The following FBN1 variants were observed in gnomAD, a reference collection of about 807,000 sequenced individuals.
FBN1 encodes fibrillin 1.
Under a neutral mutation model 365.1 loss-of-function variants are expected in FBN1, and 29 were observed. The observed-to-expected ratio is 0.08, with a 90% confidence interval of 0.06 to 0.11. FBN1 has a LOEUF of 0.11. Among genes scored for constraint, FBN1 ranks in the 10% least tolerant of loss-of-function variants. The pLI is 1.00. For missense variants in FBN1, 2,476 were observed against 3,703.2 expected (o/e 0.67, Z 8.60); for synonymous variants, 1,210 against 1,270.5 (o/e 0.95, Z 1.01).
intron 23 of FBN1, 76 bp from the exon 24 acceptor site, chr15:48,492,662 A>C: frequency 8.4e-7 from 1 of 1,183,766 alleles, no homozygotes; most frequent in Admixed American, 2.0e-5. Context: ...ATAGAGTCAT[A>C]ATTATTCCCC....
chr15:48,421,903 T>C (rs781324648), intron 61 of FBN1, 49 bp downstream of exon 61: 1 of 1,439,678 alleles, frequency 6.9e-7, no homozygotes, highest in Non-Finnish European at 9.8e-7. Flanking sequence ...AAATAATCCC[T>C]TAAAAGAATC....
intron 64 of FBN1, 23 bp downstream of exon 64, chr15:48,415,513 T>G (rs879619930): frequency 3.2e-6 from 5 of 1,541,212 alleles, no homozygotes; most frequent in Non-Finnish European, 4.5e-6. Context: ...TCTCCAACCA[T>G]GACCAGGAAG....
chr15:48,489,403 C>CATGT, intron 25 of FBN1, among the ~76,000 whole-genome samples: 1 of 152,026 alleles, frequency 6.6e-6, no homozygotes, highest in East Asian at 1.9e-4. Context: ...AAACTGCATA[C>CATGT]ATGTAACATG....
intron 2 of FBN1, among the ~76,000 whole-genome samples, chr15:48,613,937 A>G (rs1335171085): frequency 1.1e-4 from 17 of 152,298 alleles, no homozygotes; most frequent in African/African-American, 3.4e-4. Context: ...CCAAAAACAA[A>G]AAGTTTGGAA....
At chr15:48,445,941 T>C (rs773211324) in intron 47 of FBN1, among the ~76,000 whole-genome samples, 60 of 152,286 alleles carry the variant, frequency 3.9e-4, no homozygotes, top group African/African-American at 1.4e-3. Context: ...TTGCCTAGTA[T>C]GTTTTAGAAG....
rs363846 is a variant in FBN1 at position 48,412,766 on chromosome 15, A to G, written c.8052-23T>C. The G allele has an allele frequency of 1.0e-3, 1,611 of 1,613,734 alleles. 1 individual carries two copies. Among genetic ancestry groups the G allele is most frequent in the Non-Finnish European group, 1.3e-3 (1,498 of 1,179,926 alleles). On this transcript the variant is annotated intron_variant, in intron 64 of 65. Transcript: ENST00000316623. ...TGCCTGCAGCAGAAGGGGAGCATAG[A>G]TGTTTTTCATTAGAATGGGAAGACA...
intron 6 of FBN1, among the ~76,000 whole-genome samples, chr15:48,565,750 C>T (rs1352102839): frequency 3.3e-5 from 5 of 151,840 alleles, no homozygotes; most frequent in African/African-American, 9.7e-5. Context: ...GTGTATAAAA[C>T]GAAAAAGCTG....
chr15:48,592,389 G>T (rs1485556131), intron 6 of FBN1, among the ~76,000 whole-genome samples: 3 of 152,166 alleles, frequency 2.0e-5, no homozygotes, highest in Non-Finnish European at 4.4e-5. Context: ...GATTTTAAAT[G>T]TGCATTCTGA....
chr15:48,519,004 C>T (rs555989204), intron 10 of FBN1, among the ~76,000 whole-genome samples: 18 of 152,334 alleles, frequency 1.2e-4, no homozygotes, highest in African/African-American at 4.3e-4. Context: ...CAAAGTAGGT[C>T]TTCCTGCAGG....
chr15:48,623,366 G>C (rs1373471567), intron 2 of FBN1, among the ~76,000 whole-genome samples: 1 of 152,192 alleles, frequency 6.6e-6, no homozygotes, highest in Non-Finnish European at 1.5e-5. Context: ...TGGTGGTTTT[G>C]TGCCTTGATT....
chr15:48,470,249 T>G (rs550634769), intron 36 of FBN1, among the ~76,000 whole-genome samples: 20 of 151,882 alleles, frequency 1.3e-4, no homozygotes, highest in African/African-American at 4.8e-4. Flanking sequence ...AGGAGTGGGG[T>G]GGGTATTGCA....
At chr15:48,444,153 T>A (rs2043136689) in intron 49 of FBN1, among the ~76,000 whole-genome samples, 1 of 152,170 alleles carries the variant, frequency 6.6e-6, no homozygotes, top group African/African-American at 2.4e-5. Flanking sequence ...ATAACCACAT[T>A]CATCCAACCT....
At chr15:48,531,712 G>A (rs973441514) in intron 8 of FBN1, among the ~76,000 whole-genome samples, 4 of 152,084 alleles carry the variant, frequency 2.6e-5, no homozygotes, top group African/African-American at 9.7e-5. Context: ...CAAGGACGTC[G>A]AAAAAGTGAA....
At chr15:48,445,338 A>C in intron 48 of FBN1, 38 bp downstream of exon 48, 2 of 1,610,020 alleles carry the variant, frequency 1.2e-6, no homozygotes, top group Non-Finnish European at 1.7e-6. Context: ...TGGTCTCTGG[A>C]AGCATTCTTT....
At chr15:48,492,256 G>A (rs946040359) in intron 24 of FBN1, among the ~76,000 whole-genome samples, 15 of 152,162 alleles carry the variant, frequency 9.9e-5, no homozygotes, top group Non-Finnish European at 2.2e-4. Flanking sequence ...GTGATTTAAG[G>A]AATAGTTGCA....
At chr15:48,419,151 G>C (rs532200011) in intron 63 of FBN1, among the ~76,000 whole-genome samples, 26 of 152,268 alleles carry the variant, frequency 1.7e-4, no homozygotes, top group Admixed American at 1.1e-3. Context: ...AGATTGATGA[G>C]AGCAATTTGG....
intron 2 of FBN1, among the ~76,000 whole-genome samples, chr15:48,616,194 T>C (rs1889649153): frequency 6.6e-6 from 1 of 152,234 alleles, no homozygotes; most frequent in Non-Finnish European, 1.5e-5. Context: ...TTATTTTATT[T>C]GCATCCTCTG....
At chr15:48,497,209 T>C in intron 19 of FBN1, 57 bp downstream of exon 19, 2 of 1,611,144 alleles carry the variant, frequency 1.2e-6, no homozygotes, top group Non-Finnish European at 1.7e-6. Flanking sequence ...CTCCCAGCAA[T>C]GAAAGAAGGA....
chr15:48,481,945 T>C (rs1395652048), intron 31 of FBN1, among the ~76,000 whole-genome samples, 165 bp from the exon 32 acceptor site: 1 of 152,234 alleles, frequency 6.6e-6, no homozygotes, highest in African/African-American at 2.4e-5. Flanking sequence ...CTCTTCATTC[T>C]TTACATTGCA....
Sources: gnomAD v4.1 joint callset for allele counts (sites outside exome capture counted in the v4.1 genomes callset) on GRCh38, gnomAD v4.1.1 for gene constraint, MANE v1.5 for transcripts, NCBI Gene and HGNC (gene_info 2026-07-23, HGNC 2026-07-21) for gene names.